STK25: variants seen among roughly 807,000 people sequenced by gnomAD.
The protein encoded by STK25 is serine/threonine-protein kinase 25.
Under a neutral mutation model 53.8 loss-of-function variants are expected in STK25, and 29 were observed. The observed-to-expected ratio is 0.54, with a 90% confidence interval of 0.40 to 0.74. The LOEUF is 0.74. Among genes scored for constraint, STK25 ranks in the 30% least tolerant of loss-of-function variants. The pLI, the probability that STK25 is intolerant of heterozygous loss-of-function variation, is 0.00. For synonymous variants in STK25, 247 were observed against 238.3 expected (o/e 1.04, Z -0.33); for missense variants, 420 against 568.0 (o/e 0.74, Z 2.65).
chr2:241,507,856 A>C (rs2065937513), intron 2 of STK25, 150 bp downstream of exon 2: 1 of 772,756 alleles, frequency 1.3e-6, no homozygotes, highest in Admixed American at 3.0e-5. Flanking sequence ...CCCTGCGCCC[A>C]CCTCAGGACG....
rs759141744 is a variant in STK25, at chr2:241,493,270, C to T, written c.*2392G>A. ...CTGTGGCAACCCAGCCCCTGGAACC[C>T]GTGTCCCTATGCTGTCTTGCAGGAT... is the stretch of plus-strand genomic sequence containing the variant. On this transcript the variant is annotated 3_prime_UTR_variant, in exon 12 of 12. Coordinates refer to ENST00000316586, the MANE Select transcript of STK25 (RefSeq NM_001271977.2). 2.4e-5 allele frequency: 38 copies of T among 1,610,442 alleles called. No homozygotes were observed. The Admixed American group carries it at 3.5e-4, about 15-fold the overall frequency.
rs565901045 is a variant in STK25 at position 241,501,356 on chromosome 2, G to A, written c.261+122C>T. The A allele has an allele frequency of 1.2e-5, 12 of 1,016,106 alleles. No homozygotes were observed. Among genetic ancestry groups the A allele is most frequent in the Middle Eastern group, 2.0e-4 (1 of 4,944 alleles). 62.9% of individuals were successfully genotyped at this position (1,016,106 alleles called of 1,614,324 possible). A position where few individuals can be genotyped will look rare whatever the true frequency, so the allele number is the denominator to read the frequency against. On this transcript the variant is annotated intron_variant, in intron 3 of 11. Transcript: ENST00000316586. The surrounding 1 kb of genome is among the most constrained non-coding windows in gnomAD (Gnocchi z 5.3). Reference sequence around the variant, plus strand: ...CCCTGCCTGCCCAGGGCAGTTTCCCGGAGGGCATGCACTGAACCGTCAAGA... The same window carrying A: ...CCCTGCCTGCCCAGGGCAGTTTCCCAGAGGGCATGCACTGAACCGTCAAGA...
chr2:241,493,897 C>T lies in STK25; in HGVS notation c.*1765G>A. ...TAGGCATGAGCCACCGCACCCGGCC[C>T]CAGGTTTTTAACCCTTCTTTTGTCC... On this transcript the variant is annotated 3_prime_UTR_variant, in exon 12 of 12. Transcript: ENST00000316586. 1.5e-6 allele frequency: 1 copy of T among 663,104 alleles called. No homozygotes were observed. Among genetic ancestry groups the T allele is most frequent in the Non-Finnish European group, 2.4e-6 (1 of 413,316 alleles). The allele number at this position is 663,104 out of a possible 1,614,324, so 41.1% of individuals were successfully genotyped here.
At chr2:241,508,277 G>A in intron 1 of STK25, 142 bp from the exon 2 acceptor site, 6 of 1,275,184 alleles carry the variant, frequency 4.7e-6, no homozygotes, top group Non-Finnish European at 5.9e-6. Context: ...CTAACGCCCA[G>A]GCTCCCGGGG....
upstream of STK25, chr2:241,508,831 G>A: frequency 1.2e-6 from 1 of 852,612 alleles, no homozygotes; most frequent in Non-Finnish European, 1.4e-6. Flanking sequence ...GGCGGGGCAC[G>A]TGGTCGTTGT....
Position 241,493,062 on chromosome 2 carries a change from T to C in STK25, c.*2600A>G. 7.6e-7 allele frequency: 1 copy of C among 1,314,800 alleles called. No individual in the cohort carries two copies. Among genetic ancestry groups the C allele is most frequent in the Non-Finnish European group, 1.1e-6 (1 of 906,632 alleles). The allele number at this position is 1,314,800 out of a possible 1,614,324, so 81.4% of individuals were successfully genotyped here. ...GTACTGGAGTTTCACTGGAGCCCAATGCAGGTGATGCTAGCAGACAGACAC... is the reference window on the plus strand; with the variant it reads ...GTACTGGAGTTTCACTGGAGCCCAACGCAGGTGATGCTAGCAGACAGACAC... On this transcript the variant is annotated 3_prime_UTR_variant, in exon 12 of 12. Transcript: ENST00000316586.
Position 241,500,746 on chromosome 2 carries a change from C to G in STK25, c.312G>C (p.Leu104=), listed in dbSNP as rs184316846. 1.5e-5 allele frequency: 25 copies of G among 1,613,970 alleles called. No individual in the cohort carries two copies. The Admixed American group carries it at 3.5e-4, about 23-fold the overall frequency. Residue 104 remains leucine (L), a synonymous_variant, in exon 4 of 12, where the codon CTG becomes CTC. Coordinates refer to ENST00000316586, the MANE Select transcript of STK25 (RefSeq NM_001271977.2). ...IMEYLGGGSA[L]DLLKPGPLEE... ...GCCATGGCCTATGCCTCACCAAGTC[C>G]AGTGCTGAGCCGCCGCCCAGGTACT...
intron 11 of STK25, 48 bp from the exon 12 acceptor site, chr2:241,495,749 G>C: frequency 6.2e-7 from 1 of 1,608,744 alleles, no homozygotes; most frequent in Non-Finnish European, 8.5e-7. Flanking sequence ...TCTGTGCCCA[G>C]GCTCCTGACG....
chr2:241,501,171 T>G lies in STK25; in HGVS notation c.261+307A>C. On this transcript the variant is annotated intron_variant, in intron 3 of 11. Transcript: ENST00000316586. The surrounding 1 kb of genome is among the most constrained non-coding windows in gnomAD (Gnocchi z 5.3). ...ACAGCGTTCCCTACACCCCAGACAC[T>G]GGCACCACCAGCCACCTGCTCCTCA... 1 of 549,484 alleles carries G rather than the reference T, an allele frequency of 1.8e-6. No homozygotes were observed. The highest frequency in any genetic ancestry group is 2.0e-5 in the South Asian group (1 of 49,854). The allele number at this position is 549,484 out of a possible 1,614,324, so 34.0% of individuals were successfully genotyped here. A position where few individuals can be genotyped will look rare whatever the true frequency, so the allele number is the denominator to read the frequency against.
At chr2:241,507,406 G>C (rs1359484030) in intron 2 of STK25, among the ~76,000 whole-genome samples, 2 of 152,240 alleles carry the variant, frequency 1.3e-5, no homozygotes, top group African/African-American at 4.8e-5. Flanking sequence ...GAAGAAAGAT[G>C]AGTCTCATGT....
In STK25 at chr2:241,495,609, G is replaced by T. The variant is rs2065100744; in HGVS notation, c.*53C>A. 3 of 1,596,822 alleles carry T rather than the reference G, an allele frequency of 1.9e-6. No homozygotes were observed. The highest frequency in any genetic ancestry group is 2.6e-6 in the Non-Finnish European group (3 of 1,164,182). ...TCCAAGTCAGCACAGTTCTTATGGAGCTCAGAACAAAAACAAACGACCTTC... is the reference window on the plus strand; with the variant it reads ...TCCAAGTCAGCACAGTTCTTATGGATCTCAGAACAAAAACAAACGACCTTC... On this transcript the variant is annotated 3_prime_UTR_variant, in exon 12 of 12. Transcript: ENST00000316586.
rs2065013571 is a variant in STK25 at position 241,493,599 on chromosome 2, T to TG, written c.*2062_*2063insC. On this transcript the variant is annotated 3_prime_UTR_variant, in exon 12 of 12. Transcript: ENST00000316586. ...TTTCCAAAAAACAGCAATGCTTTGTTTTTTTTTTTTTTGGAGATGGCGTCT... is the reference window on the plus strand; with the variant it reads ...TTTCCAAAAAACAGCAATGCTTTGTTGTTTTTTTTTTTTGGAGATGGCGTCT... 2.6e-6 allele frequency: 1 copy of TG among 377,894 alleles called. No individual in the cohort carries two copies. Among genetic ancestry groups the TG allele is most frequent in the Admixed American group, 7.9e-5 (1 of 12,612 alleles). The allele number at this position is 377,894 out of a possible 1,614,324, so 23.4% of individuals were successfully genotyped here.
rs774055242 is a variant in STK25, at chr2:241,496,357, T to G, written c.1241+41A>C. On this transcript the variant is annotated intron_variant, in intron 11 of 11. Coordinates refer to ENST00000316586, the MANE Select transcript of STK25 (RefSeq NM_001271977.2). This position sits in a 1 kb window ranked among gnomAD's most constrained non-coding sequence, Gnocchi z 5.8. ...CCTCACCCCACGTCCAGCTTCTTGG[T>G]GGGGGTGCTCTCCCCGACCCTATGG... The G allele has an allele frequency of 6.9e-6, 11 of 1,589,978 alleles. No individual in the cohort carries two copies. Among genetic ancestry groups the G allele is most frequent in the African/African-American group, 1.3e-5 (1 of 74,380 alleles).
At position 241,507,544 on chromosome 2, in the gene STK25, C is replaced by T. The variant is rs559522906; in HGVS notation, c.30+462G>A. On this transcript the variant is annotated intron_variant, in intron 2 of 11. Transcript: ENST00000316586. Reference sequence around the variant, plus strand: ...CCGGCCACTCAGATCTGCTTCTCCACAATCTCAGCCCCTCAGCGCCCGCCA... The same window carrying T: ...CCGGCCACTCAGATCTGCTTCTCCATAATCTCAGCCCCTCAGCGCCCGCCA... Among the ~76,000 whole-genome samples, 8 of 152,382 alleles carry T rather than the reference C, an allele frequency of 5.2e-5. No homozygotes were observed. The South Asian group carries it at 1.7e-3, about 32-fold the overall frequency.
At chr2:241,503,313 T>C (rs9288726) in intron 2 of STK25, among the ~76,000 whole-genome samples, 101,941 of 151,422 alleles carry the variant, frequency 0.67, 34,697 homozygotes, top group East Asian at 0.91. Flanking sequence ...GATCTGCCCA[T>C]CTCAGCCTCC....
chr2:241,505,265 G>A (rs1174972617), intron 2 of STK25, among the ~76,000 whole-genome samples: 1 of 151,968 alleles, frequency 6.6e-6, no homozygotes, highest in East Asian at 1.9e-4. Flanking sequence ...CGCTTACTCG[G>A]GGCCCTGGGA....
In STK25 at chr2:241,502,602, G is replaced by A. The variant is rs1310998439; in HGVS notation, c.31-894C>T. Among the ~76,000 whole-genome samples, 15 of 152,198 alleles carry A rather than the reference G, an allele frequency of 9.9e-5. No homozygotes were observed. The East Asian group carries it at 2.7e-3, about 27-fold the overall frequency. On this transcript the variant is annotated intron_variant, in intron 2 of 11. Coordinates refer to ENST00000316586, the MANE Select transcript of STK25 (RefSeq NM_001271977.2). The stretch of plus-strand genomic sequence containing the variant: ...AATACAAAAAAAATTAGCCGGGCGA[G>A]GTTGCGTATGCCTGTGATCCGAGCT...
chr2:241,501,569 T>C lies in STK25; in HGVS notation c.170A>G (p.Glu57Gly). 2 of 1,614,174 alleles carry C rather than the reference T, an allele frequency of 1.2e-6. No homozygotes were observed. The highest frequency in any genetic ancestry group is 2.2e-5 in the South Asian group (2 of 91,092). Residue 57 changes from glutamate to glycine, a missense_variant, in exon 3 of 12, where the codon GAG becomes GGG. Transcript: ENST00000316586. This position sits in a 1 kb window ranked among gnomAD's most constrained non-coding sequence, Gnocchi z 5.3. ...AIKIIDLEEA[E>G]DEIEDIQQEI... ...CTGCTGGATGTCCTCGATCTCATCC[T>C]CGGCCTCCTCCAGGTCGATGATCTT...
chr2:241,497,336 A>T (rs2065234827), intron 10 of STK25: 1 of 408,760 alleles, frequency 2.4e-6, no homozygotes, highest in Non-Finnish European at 4.5e-6. Context: ...CCCCGACTAA[A>T]CCTTCTCTGC....
Sources: allele counts gnomAD v4.1 joint callset (sites outside exome capture counted in the v4.1 genomes callset), GRCh38; gene constraint gnomAD v4.1.1; non-coding constraint Gnocchi (gnomAD v3.1); transcripts MANE v1.5; gene names NCBI Gene and HGNC (gene_info 2026-07-23, HGNC 2026-07-21).